The following EIF4G2 variants were observed in gnomAD, a reference collection of about 807,000 sequenced individuals.
EIF4G2 encodes DAP-5.
Under a neutral mutation model 117.7 loss-of-function variants are expected in EIF4G2, and 8 were observed. The observed-to-expected ratio is 0.07, with a 90% CI of 0.04 to 0.12. EIF4G2 has a LOEUF of 0.12. Among genes scored for constraint, EIF4G2 ranks in the 10% least tolerant of loss-of-function variants. The pLI is 1.00. For missense variants in EIF4G2, 812 were observed against 1,086.2 expected (o/e 0.75, Z 3.55); for synonymous variants, 413 against 367.8 (o/e 1.12, Z -1.41).
At position 10,807,385 on chromosome 11, in the gene EIF4G2, G is replaced by T. The variant is rs1482983235; in HGVS notation, c.-86-4C>A. ...GGGGACAGGAGAAATGAAATACCTG[G>T]AACGAGAAAGAGCACCAAAATTAGA... On this transcript the variant is annotated splice_polypyrimidine_tract_variant and splice_region_variant and intron_variant, in intron 1 of 21. Coordinates refer to ENST00000339995, the MANE Select transcript of EIF4G2 (RefSeq NM_001418.4). 3.8e-6 allele frequency: 6 copies of T among 1,592,808 alleles called. No homozygotes were observed. Among genetic ancestry groups the T allele is most frequent in the Non-Finnish European group, 4.3e-6 (5 of 1,175,476 alleles).
At chr11:10,804,258 A>C in intron 6 of EIF4G2, 29 bp downstream of exon 6, 1 of 1,613,092 alleles carries the variant, frequency 6.2e-7, no homozygotes, top group Non-Finnish European at 8.5e-7. Flanking sequence ...AGTCAACTTT[A>C]AAACAAGCAA....
chr11:10,799,409 A>C lies in EIF4G2; in HGVS notation c.2340T>G (p.Ile780Met). The C allele has an allele frequency of 6.2e-7, 1 of 1,611,540 alleles. No homozygotes were observed. The highest frequency in any genetic ancestry group is 8.5e-7 in the Non-Finnish European group (1 of 1,180,000). The stretch of plus-strand genomic sequence containing the variant: ...CGCTGGGGGGGTTTACTTCACTAGA[A>C]ATGTACTGTAAGAAGCTGGACAGAA... Residue 780 changes from isoleucine to methionine, a missense_variant, in exon 20 of 22, where the codon ATT (isoleucine) becomes ATG (methionine). Around this residue, in one of 4 missense-constraint regions of EIF4G2, gnomAD observed 571 missense variants for 642.3 expected, o/e 0.89. Coordinates refer to ENST00000339995, the MANE Select transcript of EIF4G2 (RefSeq NM_001418.4).
At chr11:10,799,814 C>A in intron 18 of EIF4G2, 58 bp from the exon 19 acceptor site, 1 of 1,558,306 alleles carries the variant, frequency 6.4e-7, no homozygotes, top group South Asian at 1.2e-5. Context: ...GTTGTCCTGT[C>A]CAGAGAGCAG....
At chr11:10,807,596 C>A in intron 1 of EIF4G2, 1 of 1,188,690 alleles carries the variant, frequency 8.4e-7, no homozygotes. Context: ...TCGTAGAACA[C>A]AAGAGCATTT....
At position 10,800,953 on chromosome 11, in the gene EIF4G2, G is replaced by A; in HGVS notation, c.1539+9C>T. ...TCTTTAGAAAATGCTGTCCTACTAT[G>A]GTCTGTACCTGTCCCAGAGGTGGTG... On this transcript the variant is annotated intron_variant, in intron 15 of 21. Coordinates refer to ENST00000339995, the MANE Select transcript of EIF4G2 (RefSeq NM_001418.4). 5 of 1,614,122 alleles carry A rather than the reference G, an allele frequency of 3.1e-6. No individual in the cohort carries two copies. Among genetic ancestry groups the A allele is most frequent in the Non-Finnish European group, 4.2e-6 (5 of 1,179,992 alleles).
chr11:10,803,060 C>T lies in EIF4G2; in HGVS notation c.966G>A (p.Thr322=), dbSNP rs764643481. The T allele has an allele frequency of 9.9e-6, 16 of 1,610,100 alleles. No individual in the cohort carries two copies. The highest frequency in any genetic ancestry group is 2.7e-5 in the African/African-American group (2 of 74,830). Residue 322 remains threonine (T), a synonymous_variant, in exon 11 of 22, where the codon ACG becomes ACA. Transcript: ENST00000339995. This position sits in a 1 kb window ranked among gnomAD's most constrained non-coding sequence, Gnocchi z 4.0. The stretch of plus-strand genomic sequence containing the variant: ...CTGCATCTTGACGAATTTGATTGAT[C>T]GTCTTTGGTCCATTGTCAAGAAAAG...
At chr11:10,798,135 G>A (rs553859481) in intron 21 of EIF4G2, among the ~76,000 whole-genome samples, 10 of 152,158 alleles carry the variant, frequency 6.6e-5, no homozygotes, top group Non-Finnish European at 1.3e-4. Flanking sequence ...AGATGCTGCA[G>A]GACCAATGTT....
At chr11:10,799,170 T>A (rs771474973) in intron 20 of EIF4G2, 43 bp downstream of exon 20, 2 of 1,612,138 alleles carry the variant, frequency 1.2e-6, no homozygotes, top group Non-Finnish European at 8.5e-7. Context: ...GTGTTCTGTT[T>A]AAGAACTTCC....
At chr11:10,808,262 C>T (rs1190604234) in intron 1 of EIF4G2, 11 of 1,198,770 alleles carry the variant, frequency 9.2e-6, no homozygotes, top group Non-Finnish European at 8.4e-6. Flanking sequence ...CCTGCCGACT[C>T]CAGGTCCTAC....
chr11:10,807,465 C>G (rs1049367842), intron 1 of EIF4G2, 84 bp from the exon 2 acceptor site: 3 of 1,422,440 alleles, frequency 2.1e-6, no homozygotes, highest in Non-Finnish European at 2.7e-6. Flanking sequence ...TATTTCAGAT[C>G]CTGGCACTGT....
chr11:10,808,171 A>C, intron 1 of EIF4G2: 1 of 1,115,290 alleles, frequency 9.0e-7, no homozygotes, highest in Non-Finnish European at 1.1e-6. Context: ...CGGGACTGAC[A>C]ACCGCCTCGC....
intron 3 of EIF4G2, 95 bp downstream of exon 3, chr11:10,806,725 A>C: frequency 7.5e-7 from 1 of 1,325,916 alleles, no homozygotes. Flanking sequence ...TAAGATTAGG[A>C]GTCTTGATGG....
At chr11:10,805,844 CACACACCAA>C in intron 4 of EIF4G2, 54 bp downstream of exon 4, 1 of 1,610,148 alleles carries the variant, frequency 6.2e-7, no homozygotes. Flanking sequence ...TAATACAGCA[CACACACCAA>C]ACACAGCTAA....
intron 2 of EIF4G2, 172 bp downstream of exon 2, chr11:10,807,083 A>G: frequency 1.7e-6 from 2 of 1,199,986 alleles, no homozygotes; most frequent in Non-Finnish European, 2.3e-6. Context: ...GGAAAGGCAA[A>G]TAATTGATTT....
At chr11:10,808,595 C>T in intron 1 of EIF4G2, 110 bp downstream of exon 1, 2 of 834,444 alleles carry the variant, frequency 2.4e-6, no homozygotes, top group South Asian at 4.2e-5. Flanking sequence ...AAAGGGTCGC[C>T]CCACCCGGCT....
Position 10,803,451 on chromosome 11 carries a change from T to C in EIF4G2, c.813+29A>G, listed in dbSNP as rs760466102. The C allele has an allele frequency of 2.3e-5, 37 of 1,596,490 alleles. No individual in the cohort carries two copies. The highest frequency in any genetic ancestry group is 2.9e-5 in the Non-Finnish European group (34 of 1,164,710). ...TAGCTTGATTTAAAGACAAACTACTTGTACTACTTTCATCAGCTACACACG... is the reference window on the plus strand; with the variant it reads ...TAGCTTGATTTAAAGACAAACTACTCGTACTACTTTCATCAGCTACACACG... On this transcript the variant is annotated intron_variant, in intron 9 of 21. Transcript: ENST00000339995. This position sits in a 1 kb window ranked among gnomAD's most constrained non-coding sequence, Gnocchi z 4.0.
Position 10,802,398 on chromosome 11 carries a change from C to T in EIF4G2, c.1034G>A (p.Gly345Glu). ...CTCCAGAAAGAAGTCACTTCTCATC[C>T]CTTGAGCCATAGGAGCAGGAATAAA... Residue 345 changes from glycine to glutamate, a missense_variant, in exon 12 of 22, where the codon GGG becomes GAG. Coordinates refer to ENST00000339995, the MANE Select transcript of EIF4G2 (RefSeq NM_001418.4). 6.2e-7 allele frequency: 1 copy of T among 1,612,790 alleles called. No individual in the cohort carries two copies. The highest frequency in any genetic ancestry group is 1.3e-5 in the African/African-American group (1 of 74,890).
At chr11:10,799,475 A>G in intron 19 of EIF4G2, 51 bp from the exon 20 acceptor site, 1 of 1,609,888 alleles carries the variant, frequency 6.2e-7, no homozygotes, top group Non-Finnish European at 8.5e-7. Context: ...TTCTTGCTCA[A>G]GAGACAACTC....
intron 5 of EIF4G2, 36 bp downstream of exon 5, chr11:10,804,877 T>C: frequency 6.5e-7 from 1 of 1,542,704 alleles, no homozygotes; most frequent in African/African-American, 1.4e-5. Flanking sequence ...AACAGTTCCC[T>C]CTCCCTTTTG....
Sources: allele counts gnomAD v4.1 joint callset (sites outside exome capture counted in the v4.1 genomes callset), GRCh38; gene constraint gnomAD v4.1.1; regional missense constraint gnomAD v4.1.1; non-coding constraint Gnocchi (gnomAD v3.1); transcripts MANE v1.5; gene names NCBI Gene and HGNC (gene_info 2026-07-23, HGNC 2026-07-21).